PCDH17: variants seen among roughly 807,000 people sequenced by gnomAD.
PCDH17 encodes the protein protocadherin 17.
In PCDH17, 21 loss-of-function variants were observed where a neutral mutation model predicts 67.7. That is an observed-to-expected ratio of 0.31 (90% CI 0.22 to 0.45). The LOEUF (loss-of-function observed/expected upper bound fraction) is 0.45, where lower values mean the gene tolerates loss of function less well. PCDH17 is among the 20% of genes least tolerant of loss of function. The pLI, the probability that PCDH17 is intolerant of heterozygous loss-of-function variation, is 1.00. For missense variants in PCDH17, 1,471 were observed against 1,564.8 expected, an observed-to-expected ratio of 0.94 and a Z score of 1.01; for synonymous variants, 701 against 656.7, an observed-to-expected ratio of 1.07 and a Z score of -1.03.
chr13:57,691,143 G>T (rs1021984203), intron 3 of PCDH17, among the ~76,000 whole-genome samples: 1 of 151,256 alleles, frequency 6.6e-6, no homozygotes, highest in Non-Finnish European at 1.5e-5. Flanking sequence ...AATTAAATAT[G>T]AAGTAATTAT....
chr13:57,697,968 C>T (rs1419837371), intron 3 of PCDH17, among the ~76,000 whole-genome samples: 2 of 151,354 alleles, frequency 1.3e-5, no homozygotes, highest in Admixed American at 6.6e-5. Context: ...TGTTAATAGT[C>T]CTGATATTCT....
chr13:57,647,490 G>T (rs1954979058), intron 1 of PCDH17, among the ~76,000 whole-genome samples: 2 of 151,724 alleles, frequency 1.3e-5, no homozygotes, highest in South Asian at 2.1e-4. Context: ...TGTTGATAAG[G>T]CATGGTGATA....
At position 57,633,751 on chromosome 13, in the gene PCDH17, G is replaced by T. The variant is rs375554370; in HGVS notation, c.1205G>T (p.Gly402Val). ...LGGGGTGGGGGLGGPGGSVPF... is the reference protein window; with the variant it reads ...LGGGGTGGGGVLGGPGGSVPF... ...GGAGGAGGGACGGGCGGCGGCGGGG[G>T]CCTGGGCGGGCCCGGGGGTTCCGTC... Residue 402 changes from glycine (G) to valine (V), a missense_variant, in exon 1 of 4, where the codon GGC becomes GTC. Physicochemically the swap from Gly to Val is moderately radical, Grantham distance 109 (BLOSUM62 -3). Coordinates refer to ENST00000377918, the MANE Select transcript of PCDH17 (RefSeq NM_001040429.3). The surrounding 1 kb of genome is among the most constrained non-coding windows in gnomAD (Gnocchi z 6.2). 4.4e-6 allele frequency: 7 copies of T among 1,588,272 alleles called. No individual in the cohort carries two copies. Among genetic ancestry groups the T allele is most frequent in the Non-Finnish European group, 6.0e-6 (7 of 1,172,254 alleles).
At chr13:57,677,875 T>C (rs951763332) in intron 3 of PCDH17, among the ~76,000 whole-genome samples, 2 of 151,776 alleles carry the variant, frequency 1.3e-5, no homozygotes, top group Non-Finnish European at 2.9e-5. Context: ...GAGAGTCAAA[T>C]GGTGGTTACC....
In PCDH17 at chr13:57,725,912, A is replaced by G. The variant is rs1955913245; in HGVS notation, c.*618A>G. ...TCCATATCATTAGTCGAAAACAAAA[A>G]CAAAAAAAAAACCTTTGGTCATTTG... On this transcript the variant is annotated 3_prime_UTR_variant, in exon 4 of 4. Transcript: ENST00000377918. The G allele has an allele frequency of 6.6e-6, 1 of 152,550 alleles. No homozygotes were observed. Among genetic ancestry groups the G allele is most frequent in the Non-Finnish European group, 1.5e-5 (1 of 68,022 alleles). The allele number at this position is 152,550 out of a possible 1,614,324, so 9.4% of individuals were successfully genotyped here. A position where few individuals can be genotyped will look rare whatever the true frequency, so the allele number is the denominator to read the frequency against.
chr13:57,684,299 T>C (rs1219401900), intron 3 of PCDH17, among the ~76,000 whole-genome samples: 1 of 151,970 alleles, frequency 6.6e-6, no homozygotes, highest in African/African-American at 2.4e-5. Flanking sequence ...ACTAAATATA[T>C]GTTGTTTTAT....
At chr13:57,699,038 T>C (rs1360176806) in intron 3 of PCDH17, among the ~76,000 whole-genome samples, 1 of 151,940 alleles carries the variant, frequency 6.6e-6, no homozygotes, top group Non-Finnish European at 1.5e-5. Flanking sequence ...GGCACAGATT[T>C]GAAGTATTAG....
chr13:57,725,125 A>G lies in PCDH17; in HGVS notation c.3311A>G (p.His1104Arg), dbSNP rs778610420. 11 of 1,614,162 alleles carry G rather than the reference A, an allele frequency of 6.8e-6. No homozygotes were observed. Among genetic ancestry groups the G allele is most frequent in the Admixed American group, 3.3e-5 (2 of 60,024 alleles). ...ATGGCAAGGGTCTTTGCAGATGTGC[A>G]TTCCAGAGCCAGCCGGGATTCCAGT... ...DQMARVFADVHSRASRDSSEM... is the reference protein window; with the variant it reads ...DQMARVFADVRSRASRDSSEM... Residue 1104 changes from histidine (H) to arginine (R), a missense_variant, in exon 4 of 4, where the codon CAT becomes CGT. Coordinates refer to ENST00000377918, the MANE Select transcript of PCDH17 (RefSeq NM_001040429.3).
rs978959515 is a variant in PCDH17 at position 57,727,648 on chromosome 13, C to T, written c.*2354C>T. On this transcript the variant is annotated 3_prime_UTR_variant, in exon 4 of 4. Coordinates refer to ENST00000377918, the MANE Select transcript of PCDH17 (RefSeq NM_001040429.3). ...ATGTTTAAATTAGAAAAGAAGGGAC[C>T]TTGTACATGTGAAACCTAATTGACT... The T allele has an allele frequency of 6.6e-6, 1 of 152,110 alleles. No individual in the cohort carries two copies. Among genetic ancestry groups the T allele is most frequent in the Non-Finnish European group, 1.5e-5 (1 of 67,962 alleles). The allele number at this position is 152,110 out of a possible 1,614,324, so 9.4% of individuals were successfully genotyped here.
At chr13:57,667,987 C>T (rs527893596) in intron 3 of PCDH17, among the ~76,000 whole-genome samples, 2 of 150,244 alleles carry the variant, frequency 1.3e-5, no homozygotes, top group African/African-American at 4.9e-5. Flanking sequence ...TAAGGTTGAC[C>T]TCAGAAAAAG....
At chr13:57,668,538 T>C (rs1393160954) in intron 3 of PCDH17, among the ~76,000 whole-genome samples, 1 of 152,032 alleles carries the variant, frequency 6.6e-6, no homozygotes, top group Non-Finnish European at 1.5e-5. Context: ...TATTCTCTTA[T>C]AGAGAAAGGA....
At chr13:57,693,766 C>A (rs539491206) in intron 3 of PCDH17, among the ~76,000 whole-genome samples, 1 of 150,986 alleles carries the variant, frequency 6.6e-6, no homozygotes, top group East Asian at 1.9e-4. Context: ...ATTTTTCTCA[C>A]ATTTTATAAT....
chr13:57,633,227 A>G lies in PCDH17; in HGVS notation c.681A>G (p.Val227=), dbSNP rs780479268. Residue 227 remains valine (V), a synonymous_variant, in exon 1 of 4, where the codon GTA becomes GTG. Coordinates refer to ENST00000377918, the MANE Select transcript of PCDH17 (RefSeq NM_001040429.3). The surrounding 1 kb of genome is among the most constrained non-coding windows in gnomAD (Gnocchi z 6.2). ...DGGEPPRSAT[V]QINVKVIDSN... is the part of the protein sequence containing the mutation. Reference sequence around the variant, plus strand: ...GCGAGCCTCCACGTTCCGCCACCGTACAGATCAACGTGAAGGTGATTGACT... The same window carrying G: ...GCGAGCCTCCACGTTCCGCCACCGTGCAGATCAACGTGAAGGTGATTGACT... The G allele has an allele frequency of 2.5e-6, 4 of 1,613,298 alleles. No homozygotes were observed. Among genetic ancestry groups the G allele is most frequent in the South Asian group, 2.2e-5 (2 of 91,054 alleles).
intron 1 of PCDH17, among the ~76,000 whole-genome samples, chr13:57,640,387 G>T (rs959532602): frequency 6.6e-6 from 1 of 151,954 alleles, no homozygotes; most frequent in African/African-American, 2.4e-5. Flanking sequence ...ATTTAAATAT[G>T]TGTATAAATG....
intron 3 of PCDH17, among the ~76,000 whole-genome samples, chr13:57,716,071 CTTG>C (rs1372774309): frequency 6.6e-6 from 1 of 151,800 alleles, no homozygotes; most frequent in Non-Finnish European, 1.5e-5. Context: ...TCATTCAGGT[CTTG>C]TTGTGTCTGT....
chr13:57,695,134 T>G (rs1440368664), intron 3 of PCDH17, among the ~76,000 whole-genome samples: 1 of 151,290 alleles, frequency 6.6e-6, no homozygotes, highest in East Asian at 1.9e-4. Flanking sequence ...TCAATTATGT[T>G]TTTCCTTTCT....
At chr13:57,701,827 T>G in intron 3 of PCDH17, among the ~76,000 whole-genome samples, 1 of 152,262 alleles carries the variant, frequency 6.6e-6, no homozygotes, top group Non-Finnish European at 1.5e-5. Flanking sequence ...TTTTGTGTAT[T>G]TGTTTTATTA....
At chr13:57,636,904 T>G (rs1050753129) in intron 1 of PCDH17, among the ~76,000 whole-genome samples, 4 of 152,112 alleles carry the variant, frequency 2.6e-5, no homozygotes, top group African/African-American at 9.7e-5. Context: ...CCAGTAAAAA[T>G]GAAGGTGGTG....
chr13:57,722,042 T>G (rs945873895), intron 3 of PCDH17, among the ~76,000 whole-genome samples: 3 of 152,166 alleles, frequency 2.0e-5, no homozygotes, highest in Admixed American at 6.6e-5. Flanking sequence ...AATTATAGTC[T>G]AATCACAAGG....
Sources: allele counts gnomAD v4.1 joint callset (sites outside exome capture counted in the v4.1 genomes callset), GRCh38; gene constraint gnomAD v4.1.1; non-coding constraint Gnocchi (gnomAD v3.1); transcripts MANE v1.5; gene names NCBI Gene and HGNC (gene_info 2026-07-23, HGNC 2026-07-21).